Variants in BMPR1B observed in about 807,000 individuals in gnomAD.
BMPR1B encodes the protein bone morphogenetic protein receptor type 1B.
In BMPR1B, 12 loss-of-function variants were observed where a neutral mutation model predicts 59.1. The observed-to-expected ratio is 0.20, with a 90% CI of 0.13 to 0.33. BMPR1B has a LOEUF of 0.33. Among genes scored for constraint, BMPR1B ranks in the 10% least tolerant of loss-of-function variants. The pLI is 1.00. For missense variants in BMPR1B, 550 were observed against 610.9 expected, an observed-to-expected ratio of 0.90 and a Z score of 1.05; for synonymous variants, 237 against 207.3, an observed-to-expected ratio of 1.14 and a Z score of -1.23.
At chr4:94,993,851 A>T (rs954550914) in intron 2 of BMPR1B, among the ~76,000 whole-genome samples, 3 of 151,864 alleles carry the variant, frequency 2.0e-5, no homozygotes, top group Admixed American at 2.0e-4. Context: ...AGGCAGCGAG[A>T]TGGAAATAAA....
chr4:94,807,478 A>G (rs1187811766), intron 1 of BMPR1B, among the ~76,000 whole-genome samples: 1 of 151,910 alleles, frequency 6.6e-6, no homozygotes, highest in African/African-American at 2.4e-5. Context: ...GTTGTAAATC[A>G]ATTTACTGAT....
chr4:94,870,845 C>G (rs1275747503), intron 1 of BMPR1B, among the ~76,000 whole-genome samples: 1 of 152,124 alleles, frequency 6.6e-6, no homozygotes, highest in African/African-American at 2.4e-5. Flanking sequence ...GAGTTTCCCA[C>G]ATTAACGTTG....
intron 6 of BMPR1B, 135 bp downstream of exon 6, chr4:95,115,922 T>G: frequency 1.3e-6 from 1 of 777,536 alleles, no homozygotes; most frequent in Non-Finnish European, 2.2e-6. Flanking sequence ...CCAGATGACA[T>G]GGAACCATCA....
intron 1 of BMPR1B, among the ~76,000 whole-genome samples, chr4:94,763,671 T>C (rs1721864646): frequency 6.6e-6 from 1 of 152,224 alleles, no homozygotes. Flanking sequence ...AGATATGAAC[T>C]TAAACAAGTA....
At chr4:95,144,211 G>A (rs1053486479) in intron 10 of BMPR1B, among the ~76,000 whole-genome samples, 1 of 152,114 alleles carries the variant, frequency 6.6e-6, no homozygotes, top group Admixed American at 6.5e-5. Context: ...GTCTCCCTCT[G>A]TTGCCCAGGC....
intron 6 of BMPR1B, among the ~76,000 whole-genome samples, chr4:95,116,425 A>ACACT: frequency 7.7e-6 from 1 of 129,544 alleles, no homozygotes; most frequent in African/African-American, 3.7e-5. Context: ...GCGCGCGCAC[A>ACACT]CACACACACA....
At chr4:94,912,254 C>T (rs889305547) in intron 2 of BMPR1B, among the ~76,000 whole-genome samples, 159 of 152,050 alleles carry the variant, frequency 1.0e-3, no homozygotes, top group African/African-American at 3.6e-3. Flanking sequence ...TGGGTGGGGA[C>T]ACAGAGCCAA....
intron 1 of BMPR1B, among the ~76,000 whole-genome samples, chr4:94,768,707 A>G (rs560150665): frequency 6.7e-6 from 1 of 148,334 alleles, no homozygotes; most frequent in African/African-American, 2.4e-5. Context: ...TTTTGTAGGC[A>G]TAGTCTTAAT....
intron 2 of BMPR1B, among the ~76,000 whole-genome samples, chr4:94,949,330 G>A (rs1215902962): frequency 2.0e-3 from 64 of 31,520 alleles, no homozygotes; most frequent in African/African-American, 5.6e-3. Context: ...TTTTTTTTGA[G>A]ACGGAGTCTC....
chr4:94,925,701 G>A (rs1445965483), intron 2 of BMPR1B, among the ~76,000 whole-genome samples: 3 of 152,090 alleles, frequency 2.0e-5, no homozygotes, highest in Admixed American at 6.6e-5. Context: ...ACATGGTACC[G>A]GAGAGATTTT....
intron 8 of BMPR1B, among the ~76,000 whole-genome samples, chr4:95,129,314 G>A (rs946734966): frequency 7.2e-5 from 11 of 152,138 alleles, no homozygotes; most frequent in African/African-American, 2.2e-4. Context: ...TTCTGGTATT[G>A]TTCTTTGCCC....
chr4:94,797,331 A>G (rs923037370), intron 1 of BMPR1B, among the ~76,000 whole-genome samples: 5 of 152,206 alleles, frequency 3.3e-5, no homozygotes, highest in African/African-American at 4.8e-5. Context: ...AACCATATCA[A>G]TGTGTAAGAG....
At chr4:95,063,513 A>G (rs1727563525) in intron 3 of BMPR1B, among the ~76,000 whole-genome samples, 1 of 152,170 alleles carries the variant, frequency 6.6e-6, no homozygotes, top group Non-Finnish European at 1.5e-5. Context: ...GAGGTCACAG[A>G]GTTAATACAT....
intron 2 of BMPR1B, among the ~76,000 whole-genome samples, chr4:94,880,582 C>T (rs551690561): frequency 6.6e-6 from 1 of 151,828 alleles, no homozygotes; most frequent in East Asian, 1.9e-4. Context: ...GCCTTGGCCT[C>T]CTGAAGTACT....
chr4:94,782,289 T>C (rs1193153787), intron 1 of BMPR1B, among the ~76,000 whole-genome samples: 2 of 151,524 alleles, frequency 1.3e-5, no homozygotes, highest in Admixed American at 6.6e-5. Context: ...CTACTCAGTT[T>C]TGCATATCAG....
chr4:94,876,209 T>G (rs560899298), intron 2 of BMPR1B, among the ~76,000 whole-genome samples: 35 of 152,332 alleles, frequency 2.3e-4, no homozygotes, highest in Non-Finnish European at 4.7e-4. Context: ...GGTAATAACC[T>G]TTTACCAACC....
At chr4:95,095,372 G>C (rs963986984) in intron 3 of BMPR1B, among the ~76,000 whole-genome samples, 1 of 152,110 alleles carries the variant, frequency 6.6e-6, no homozygotes, top group Non-Finnish European at 1.5e-5. Context: ...AATGGGCATT[G>C]ATTTGCATTA....
intron 3 of BMPR1B, among the ~76,000 whole-genome samples, chr4:95,035,043 A>AT (rs1306710543): frequency 6.6e-6 from 1 of 151,726 alleles, no homozygotes; most frequent in East Asian, 1.9e-4. Flanking sequence ...GATGTTGAAC[A>AT]TTTTTTTCAT....
chr4:94,850,281 A>C (rs995120299), intron 1 of BMPR1B, among the ~76,000 whole-genome samples: 1 of 152,194 alleles, frequency 6.6e-6, no homozygotes, highest in African/African-American at 2.4e-5. Context: ...TAAATGAAAA[A>C]AAAAAAATGT....
Sources: allele counts gnomAD v4.1 joint callset (sites outside exome capture counted in the v4.1 genomes callset), GRCh38; gene constraint gnomAD v4.1.1; transcripts MANE v1.5; gene names NCBI Gene and HGNC (gene_info 2026-07-23, HGNC 2026-07-21).